ENOX1: variants seen among roughly 807,000 people sequenced by gnomAD.
ENOX1 encodes the protein candidate growth-related and time keeping constitutive hydroquinone (NADH) oxidase.
ENOX1 carries 42 observed loss-of-function variants against 82.5 expected under a neutral mutation model. The observed-to-expected ratio is 0.51, with a 90% CI of 0.40 to 0.66. The LOEUF (loss-of-function observed/expected upper bound fraction) is 0.66. Ranked by LOEUF, ENOX1 falls within the 30% of genes least tolerant of loss-of-function variation. The pLI, the probability that ENOX1 is intolerant of heterozygous loss-of-function variation, is 0.00. For missense variants in ENOX1, 608 were observed against 811.6 expected, an observed-to-expected ratio of 0.75 and a Z score of 3.05; for synonymous variants, 271 against 282.2, an observed-to-expected ratio of 0.96 and a Z score of 0.40.
At chr13:43,513,268 C>T (rs1247875722) in intron 2 of ENOX1, among the ~76,000 whole-genome samples, 1 of 152,034 alleles carries the variant, frequency 6.6e-6, no homozygotes, top group African/African-American at 2.4e-5. Context: ...GAGATCACGC[C>T]ACTGCACTCC....
intron 5 of ENOX1, among the ~76,000 whole-genome samples, chr13:43,401,684 C>T (rs1265090062): frequency 2.0e-5 from 3 of 152,154 alleles, no homozygotes; most frequent in Non-Finnish European, 4.4e-5. Flanking sequence ...CTTTCTGAAG[C>T]TCACAAAGGA....
At chr13:43,728,970 C>G (rs1049355169) in intron 1 of ENOX1, among the ~76,000 whole-genome samples, 1 of 152,176 alleles carries the variant, frequency 6.6e-6, no homozygotes, top group Non-Finnish European at 1.5e-5. Context: ...CTTTCTTTGG[C>G]TAGCTAAGCT....
intron 2 of ENOX1, among the ~76,000 whole-genome samples, chr13:43,618,597 A>T (rs754420655): frequency 1.3e-5 from 2 of 152,160 alleles, no homozygotes; most frequent in African/African-American, 4.8e-5. Context: ...TCATTGGTCT[A>T]TGTGCCTATT....
intron 1 of ENOX1, among the ~76,000 whole-genome samples, chr13:43,758,459 T>C (rs554317698): frequency 1.3e-4 from 10 of 74,406 alleles, no homozygotes; most frequent in African/African-American, 3.2e-4. Context: ...CTGTTGCCAG[T>C]TCACAGACAG....
chr13:43,384,998 A>G (rs984901939), intron 5 of ENOX1, among the ~76,000 whole-genome samples: 5 of 151,930 alleles, frequency 3.3e-5, no homozygotes, highest in South Asian at 4.2e-4. Flanking sequence ...AAGCTCAGGG[A>G]AAAAAAAGTG....
At chr13:43,237,935 A>T (rs1178126845) in intron 14 of ENOX1, among the ~76,000 whole-genome samples, 1 of 152,256 alleles carries the variant, frequency 6.6e-6, no homozygotes, top group African/African-American at 2.4e-5. Context: ...GAGAAATTGC[A>T]GTTGGTAATA....
intron 1 of ENOX1, among the ~76,000 whole-genome samples, chr13:43,709,763 G>C (rs543775767): frequency 1.3e-5 from 2 of 152,180 alleles, no homozygotes; most frequent in East Asian, 3.9e-4. Context: ...TTTTAAATGA[G>C]AAAAGAATAT....
chr13:43,690,527 C>T (rs17064906), intron 1 of ENOX1, among the ~76,000 whole-genome samples: 3,198 of 152,180 alleles, frequency 0.021, 126 homozygotes, highest in African/African-American at 0.074. Context: ...TTCCTTTACT[C>T]GTCTTCACAT....
rs139082592 is a variant in ENOX1, at chr13:43,414,450, A to G, written c.-74-1462T>C. On this transcript the variant is annotated intron_variant, in intron 3 of 16. Transcript: ENST00000690772. Reference sequence around the variant, plus strand: ...CTATCCAAATGAACTCAGAACCTGCATGTGTATTGTGCATCAATTATCTTA... The same window carrying G: ...CTATCCAAATGAACTCAGAACCTGCGTGTGTATTGTGCATCAATTATCTTA... 1.4e-4 allele frequency among the ~76,000 whole-genome samples: 22 copies of G among 152,342 alleles called. No individual in the cohort carries two copies. The East Asian group carries it at 4.1e-3, about 28-fold the overall frequency.
intron 2 of ENOX1, among the ~76,000 whole-genome samples, chr13:43,604,006 A>T (rs1395797088): frequency 1.2e-4 from 17 of 145,800 alleles, no homozygotes; most frequent in Non-Finnish European, 1.2e-4. Context: ...TCCCACCAAT[A>T]GTGTAAAAGT....
intron 2 of ENOX1, among the ~76,000 whole-genome samples, chr13:43,568,500 C>T (rs1403953044): frequency 6.6e-6 from 1 of 152,116 alleles, no homozygotes; most frequent in Admixed American, 6.6e-5. Flanking sequence ...AGGTGATTAC[C>T]TCCTCCAAGA....
intron 5 of ENOX1, among the ~76,000 whole-genome samples, chr13:43,393,579 C>T (rs979582701): frequency 6.7e-6 from 1 of 149,648 alleles, no homozygotes; most frequent in Non-Finnish European, 1.5e-5. Context: ...GGACTAACGA[C>T]AGGTGGGTGG....
At chr13:43,763,158 G>C (rs1200391988) in intron 1 of ENOX1, among the ~76,000 whole-genome samples, 1 of 152,212 alleles carries the variant, frequency 6.6e-6, no homozygotes. Context: ...GGAAGAGTTA[G>C]GCCTTGTCTA....
intron 12 of ENOX1, among the ~76,000 whole-genome samples, chr13:43,283,695 C>T (rs2045532161): frequency 6.6e-6 from 1 of 151,530 alleles, no homozygotes; most frequent in Non-Finnish European, 1.5e-5. Flanking sequence ...AGCATATCCT[C>T]CCGCCTTGGC....
rs139343011 is a variant in ENOX1 at position 43,406,039 on chromosome 13, T to G, written c.208+5877A>C. ...GTATTTAGCATAACATCTGGCTCAA[T>G]AAATCTCAGTTAAAAGAGTGATGCT... On this transcript the variant is annotated intron_variant, in intron 5 of 16. Transcript: ENST00000690772. 7.4e-3 allele frequency among the ~76,000 whole-genome samples: 1,123 copies of G among 152,322 alleles called. 12 individuals are homozygous for G. The highest frequency in any genetic ancestry group is 0.025 in the African/African-American group (1,049 of 41,560).
At chr13:43,241,374 A>G (rs2042822150) in intron 14 of ENOX1, among the ~76,000 whole-genome samples, 1 of 152,218 alleles carries the variant, frequency 6.6e-6, no homozygotes, top group Non-Finnish European at 1.5e-5. Context: ...CCAGATGCCT[A>G]GCAATTACAA....
chr13:43,482,513 C>G (rs1229789544), intron 3 of ENOX1, among the ~76,000 whole-genome samples: 1 of 152,038 alleles, frequency 6.6e-6, no homozygotes, highest in African/African-American at 2.4e-5. Context: ...AGGTATAGCA[C>G]TTTAGTTAAG....
At chr13:43,463,930 A>G (rs1280846939) in intron 3 of ENOX1, among the ~76,000 whole-genome samples, 1 of 152,246 alleles carries the variant, frequency 6.6e-6, no homozygotes, top group Non-Finnish European at 1.5e-5. Flanking sequence ...ATGTGCAGGT[A>G]CTGTGCTTGA....
intron 1 of ENOX1, among the ~76,000 whole-genome samples, chr13:43,773,724 T>G (rs1009782967): frequency 6.6e-6 from 1 of 152,220 alleles, no homozygotes; most frequent in Non-Finnish European, 1.5e-5. Context: ...GTACTTATCA[T>G]AAGATCCAAT....
Sources: gnomAD v4.1 joint callset for allele counts (sites outside exome capture counted in the v4.1 genomes callset) on GRCh38, gnomAD v4.1.1 for gene constraint, MANE v1.5 for transcripts, NCBI Gene and HGNC (gene_info 2026-07-23, HGNC 2026-07-21) for gene names.